Variants in HEMK2 observed in about 807,000 individuals in gnomAD.
HEMK2 encodes methyltransferase HEMK2.
chr21:28,683,957 T>A, the HEMK2 span, among the ~76,000 whole-genome samples: 9 of 152,346 alleles, frequency 5.9e-5, no homozygotes, highest in African/African-American at 2.2e-4. Context: ...GAGAATATGT[T>A]GACATTTATT....
chr21:28,852,809 C>T, the HEMK2 span, among the ~76,000 whole-genome samples: 1 of 152,108 alleles, frequency 6.6e-6, no homozygotes. Flanking sequence ...CAGTAGGCTT[C>T]GTATCAATTT....
At chr21:28,762,375 A>G in the HEMK2 span, among the ~76,000 whole-genome samples, 2 of 152,214 alleles carry the variant, frequency 1.3e-5, no homozygotes, top group East Asian at 3.9e-4. Context: ...CATGGTCTAC[A>G]TTAAAAACAA....
the HEMK2 span, among the ~76,000 whole-genome samples, chr21:28,790,746 A>G: frequency 4.1e-5 from 6 of 147,640 alleles, no homozygotes; most frequent in African/African-American, 1.5e-4. Context: ...ATGATATTGC[A>G]TATGTGTGTA....
At chr21:28,639,110 G>A in the HEMK2 span, among the ~76,000 whole-genome samples, 1 of 152,056 alleles carries the variant, frequency 6.6e-6, no homozygotes, top group Non-Finnish European at 1.5e-5. Context: ...ATGAGATAAT[G>A]GGCCTAATCT....
At chr21:28,793,554 C>A in the HEMK2 span, among the ~76,000 whole-genome samples, 1 of 152,196 alleles carries the variant, frequency 6.6e-6, no homozygotes, top group Non-Finnish European at 1.5e-5. Context: ...AGTTCATACA[C>A]ATCCAAAGTG....
At chr21:28,825,987 A>C in the HEMK2 span, among the ~76,000 whole-genome samples, 1 of 152,264 alleles carries the variant, frequency 6.6e-6, no homozygotes, top group African/African-American at 2.4e-5. Flanking sequence ...GAGAGCCAGG[A>C]TGCTCATTGC....
the HEMK2 span, among the ~76,000 whole-genome samples, chr21:28,659,536 CA>C: frequency 6.6e-6 from 1 of 151,892 alleles, no homozygotes; most frequent in Non-Finnish European, 1.5e-5. Flanking sequence ...AGGTAGAAAC[CA>C]AAGAGAACTA....
chr21:28,877,527 AGAG>A, the HEMK2 span, among the ~76,000 whole-genome samples: 2,337 of 104,528 alleles, frequency 0.022, 50 homozygotes, highest in African/African-American at 0.075. Flanking sequence ...AAAAAAGAAA[AGAG>A]AAGAGAAGAG....
At chr21:28,865,501 T>C in the HEMK2 span, among the ~76,000 whole-genome samples, 1 of 152,212 alleles carries the variant, frequency 6.6e-6, no homozygotes, top group Non-Finnish European at 1.5e-5. Context: ...TTGATTTTGT[T>C]GACTCCTCGC....
the HEMK2 span, among the ~76,000 whole-genome samples, chr21:28,841,222 T>TA: frequency 8.7e-5 from 1 of 11,468 alleles, no homozygotes; most frequent in Non-Finnish European, 1.2e-4. Flanking sequence ...TTATATATAT[T>TA]ATATATTATA....
chr21:28,778,553 T>C, the HEMK2 span, among the ~76,000 whole-genome samples: 2 of 152,210 alleles, frequency 1.3e-5, no homozygotes, highest in African/African-American at 4.8e-5. Flanking sequence ...ACCAGCTATG[T>C]AGAAGTGGTC....
chr21:28,835,432 A>G, the HEMK2 span, among the ~76,000 whole-genome samples: 2 of 152,214 alleles, frequency 1.3e-5, no homozygotes, highest in African/African-American at 2.4e-5. Flanking sequence ...TCACATCCAT[A>G]GGAAAAGGGG....
At chr21:28,688,206 G>A in the HEMK2 span, among the ~76,000 whole-genome samples, 1 of 152,160 alleles carries the variant, frequency 6.6e-6, no homozygotes, top group African/African-American at 2.4e-5. Context: ...TAAAGAATGA[G>A]AGTACATTGC....
the HEMK2 span, among the ~76,000 whole-genome samples, chr21:28,627,119 C>T: frequency 1.3e-5 from 2 of 152,176 alleles, no homozygotes; most frequent in Non-Finnish European, 2.9e-5. Context: ...TTACATTGAA[C>T]AAAAGAAGCC....
At chr21:28,827,019 T>A in the HEMK2 span, among the ~76,000 whole-genome samples, 1 of 152,088 alleles carries the variant, frequency 6.6e-6, no homozygotes, top group Non-Finnish European at 1.5e-5. Context: ...ATTGAAAATC[T>A]CCCAGATAAC....
the HEMK2 span, among the ~76,000 whole-genome samples, chr21:28,579,928 C>T: frequency 2.0e-5 from 3 of 152,116 alleles, no homozygotes; most frequent in African/African-American, 7.2e-5. Flanking sequence ...TACATCATGA[C>T]TAAAAATTTC....
chr21:28,866,470 C>T, the HEMK2 span, among the ~76,000 whole-genome samples: 22 of 150,212 alleles, frequency 1.5e-4, no homozygotes, highest in African/African-American at 3.4e-4. Flanking sequence ...AAAGAGCACA[C>T]ATTCTTCTCT....
chr21:28,611,379 A>G, the HEMK2 span, among the ~76,000 whole-genome samples: 3 of 152,168 alleles, frequency 2.0e-5, no homozygotes, highest in African/African-American at 7.2e-5. Flanking sequence ...ACCTATCAAA[A>G]CCTCTTGGAT....
chr21:28,663,548 C>G, the HEMK2 span, among the ~76,000 whole-genome samples: 2 of 152,234 alleles, frequency 1.3e-5, no homozygotes, highest in Non-Finnish European at 2.9e-5. Context: ...ATATATGGAC[C>G]TCAACTATCC....
Sources: allele counts gnomAD v4.1 joint callset (sites outside exome capture counted in the v4.1 genomes callset), GRCh38; gene constraint gnomAD v4.1.1; transcripts MANE v1.5; gene names NCBI Gene and HGNC (gene_info 2026-07-23, HGNC 2026-07-21).